RIMS2: variants seen among roughly 807,000 people sequenced by gnomAD.
RIMS2 encodes regulating synaptic membrane exocytosis 2, also known as regulating synaptic membrane exocytosis protein 2.
Under a neutral mutation model 174.4 loss-of-function variants are expected in RIMS2, and 59 were observed. That is an observed-to-expected ratio of 0.34 (90% CI 0.27 to 0.42). The LOEUF is 0.42. RIMS2 is among the 10% of genes least tolerant of loss of function. The probability of loss-of-function intolerance (pLI) is 1.00; values close to 1 mark genes in which losing one functional copy is unlikely to be tolerated. For missense variants in RIMS2, 1,620 were observed against 1,666.3 expected (o/e 0.97, Z 0.48); for synonymous variants, 606 against 572.5 (o/e 1.06, Z -0.84).
intron 20 of RIMS2, among the ~76,000 whole-genome samples, chr8:104,245,323 T>G (rs1563976143): frequency 6.6e-6 from 1 of 152,290 alleles, no homozygotes; most frequent in Non-Finnish European, 1.5e-5. Context: ...GCAATGCAAA[T>G]AAAATATTTT....
intron 1 of RIMS2, chr8:103,568,819 G>C: frequency 1.8e-6 from 2 of 1,129,330 alleles, no homozygotes; most frequent in African/African-American, 1.5e-5. Context: ...ATAAGAAGCT[G>C]AGCATATTCT....
In RIMS2 at chr8:103,961,222, A is replaced by G; in HGVS notation, c.2770+89A>G. On this transcript the variant is annotated intron_variant, in intron 15 of 23. Transcript: ENST00000504942. ...AAAAGTAAATAAATAAAAGAGAAAG[A>G]TATAACTCGTCTTCTCACCCTCCAA... 4.0e-6 allele frequency: 3 copies of G among 743,878 alleles called. No homozygotes were observed. The South Asian group carries it at 4.7e-5, about 12-fold the overall frequency. 46.1% of individuals were successfully genotyped at this position (743,878 alleles called of 1,614,324 possible).
chr8:103,582,119 C>G (rs1353621511), intron 1 of RIMS2, among the ~76,000 whole-genome samples: 2 of 152,012 alleles, frequency 1.3e-5, no homozygotes, highest in African/African-American at 4.8e-5. Flanking sequence ...GGGCACTAGT[C>G]AGAGTTGCGA....
At chr8:104,164,415 AAAAAT>A (rs1490596547) in intron 19 of RIMS2, among the ~76,000 whole-genome samples, 2 of 121,550 alleles carry the variant, frequency 1.6e-5, no homozygotes, top group African/African-American at 6.8e-5. Context: ...TTTTTTCCAA[AAAAAT>A]AAGGACAAAA....
chr8:103,861,062 C>T (rs965672547), intron 3 of RIMS2, among the ~76,000 whole-genome samples: 3 of 151,886 alleles, frequency 2.0e-5, no homozygotes, highest in African/African-American at 7.3e-5. Context: ...GAGGTTTGGA[C>T]TTCTTGCCCA....
Position 103,615,653 on chromosome 8 carries a change from CA to C in RIMS2, c.177-81432del, listed in dbSNP as rs147345610. On this transcript the variant is annotated intron_variant, in intron 1 of 23. Transcript: ENST00000504942. ...GCTAGACTAATAAGAAAAGAGAGAA[CA>C]TCCAAATAAACACAATTAGAAATGA... Among the ~76,000 whole-genome samples the C allele has an allele frequency of 9.2e-3, 1,403 of 152,044 alleles. 25 individuals carry two copies. The highest frequency in any genetic ancestry group is 0.032 in the African/African-American group (1,333 of 41,508).
intron 19 of RIMS2, among the ~76,000 whole-genome samples, chr8:104,181,383 T>C (rs2135945363): frequency 6.6e-6 from 1 of 151,748 alleles, no homozygotes; most frequent in African/African-American, 2.4e-5. Flanking sequence ...GTGATCATTG[T>C]AGGGGCATAG....
intron 19 of RIMS2, among the ~76,000 whole-genome samples, chr8:104,044,491 A>G (rs2096660548): frequency 6.6e-6 from 1 of 151,072 alleles, no homozygotes; most frequent in African/African-American, 2.4e-5. Flanking sequence ...GAAGACTCCA[A>G]AGAGGAGAGG....
intron 1 of RIMS2, among the ~76,000 whole-genome samples, chr8:103,626,537 C>G (rs1164692381): frequency 6.6e-6 from 1 of 152,158 alleles, no homozygotes; most frequent in Non-Finnish European, 1.5e-5. Context: ...TTATTCCAAA[C>G]AGCTGTTGCA....
At chr8:104,245,205 C>A in intron 20 of RIMS2, 148 bp downstream of exon 26, 2 of 723,932 alleles carry the variant, frequency 2.8e-6, no homozygotes, top group South Asian at 1.9e-5. Context: ...CTTTGCTCAC[C>A]TGCCACTGAA....
chr8:103,586,152 A>G (rs980646320), intron 1 of RIMS2, among the ~76,000 whole-genome samples: 13 of 152,198 alleles, frequency 8.5e-5, no homozygotes, highest in Middle Eastern at 3.2e-3. Flanking sequence ...TAATAGCTGA[A>G]GACTTCAGCA....
chr8:104,237,364 A>G (rs1414827467), intron 19 of RIMS2, among the ~76,000 whole-genome samples: 1 of 152,170 alleles, frequency 6.6e-6, no homozygotes, highest in Non-Finnish European at 1.5e-5. Flanking sequence ...TCTCACTCCC[A>G]CTACTTGTCC....
chr8:104,148,034 GTGAAA>G (rs2098656938), intron 19 of RIMS2, among the ~76,000 whole-genome samples: 1 of 139,578 alleles, frequency 7.2e-6, no homozygotes, highest in Non-Finnish European at 1.6e-5. Flanking sequence ...ATTAAGTAAA[GTGAAA>G]TAAAGTTATT....
intron 1 of RIMS2, among the ~76,000 whole-genome samples, chr8:103,604,145 G>C (rs1432909857): frequency 1.3e-5 from 2 of 149,618 alleles, no homozygotes; most frequent in Non-Finnish European, 3.0e-5. Flanking sequence ...TAACGTTTAA[G>C]TCTTTAATCC....
At chr8:104,140,203 G>T (rs192630524) in intron 19 of RIMS2, among the ~76,000 whole-genome samples, 1 of 152,090 alleles carries the variant, frequency 6.6e-6, no homozygotes, top group African/African-American at 2.4e-5. Flanking sequence ...CATGATATGT[G>T]CATTCTAACC....
At chr8:103,703,027 G>A (rs1373463975) in intron 2 of RIMS2, among the ~76,000 whole-genome samples, 1 of 150,176 alleles carries the variant, frequency 6.7e-6, no homozygotes, top group African/African-American at 2.5e-5. Flanking sequence ...TGTCACCCAG[G>A]CTGGAGTGCA....
chr8:103,980,601 G>C (rs753189008), intron 16 of RIMS2, among the ~76,000 whole-genome samples: 1 of 152,132 alleles, frequency 6.6e-6, no homozygotes, highest in African/African-American at 2.4e-5. Context: ...AGCCACAGTG[G>C]GTTAGAGCAA....
intron 19 of RIMS2, among the ~76,000 whole-genome samples, chr8:104,035,511 T>C (rs990155017): frequency 6.6e-6 from 1 of 151,804 alleles, no homozygotes; most frequent in Non-Finnish European, 1.5e-5. Flanking sequence ...AGGTAGGTTT[T>C]TTTTTTTACT....
At chr8:103,551,287 G>T (rs984000991) in intron 1 of RIMS2, among the ~76,000 whole-genome samples, 1 of 152,162 alleles carries the variant, frequency 6.6e-6, no homozygotes, top group African/African-American at 2.4e-5. Flanking sequence ...ATGCAAGGCT[G>T]GTTCAACATA....
Sources: allele counts gnomAD v4.1 joint callset (sites outside exome capture counted in the v4.1 genomes callset), GRCh38; gene constraint gnomAD v4.1.1; transcripts MANE v1.5; gene names NCBI Gene and HGNC (gene_info 2026-07-23, HGNC 2026-07-21).